The following TPRG1 variants were observed in gnomAD, a reference collection of about 807,000 sequenced individuals.
The protein encoded by TPRG1 is tumor protein p63-regulated gene 1 protein.
In TPRG1, 29 loss-of-function variants were observed where a neutral mutation model predicts 29.3. The observed-to-expected ratio is 0.99, with a 90% CI of 0.74 to 1.35. The LOEUF (loss-of-function observed/expected upper bound fraction) is 1.35. Ranked by LOEUF, TPRG1 falls within the 40% of genes most tolerant of loss-of-function variation. The pLI is 0.00. For missense variants in TPRG1, 327 were observed against 335.0 expected (o/e 0.98, Z 0.19); for synonymous variants, 130 against 116.8 (o/e 1.11, Z -0.73).
chr3:189,215,219 A>T, intron 2 of TPRG1, 73 bp from the exon 3 acceptor site: 1 of 1,251,902 alleles, frequency 8.0e-7, no homozygotes, highest in Non-Finnish European at 1.1e-6. Flanking sequence ...AGCTGCTGGA[A>T]TATACTAACT....
At chr3:189,077,929 A>G (rs570332891) in intron 4 of TPRG1, among the ~76,000 whole-genome samples, 27 of 152,272 alleles carry the variant, frequency 1.8e-4, no homozygotes, top group Admixed American at 6.5e-4. Context: ...TTCCAAACAA[A>G]GATGATCATG....
intron 3 of TPRG1, among the ~76,000 whole-genome samples, chr3:189,023,093 T>C (rs184558916): frequency 2.2e-4 from 33 of 152,350 alleles, no homozygotes; most frequent in East Asian, 5.8e-4. Flanking sequence ...GGCTCGCGCA[T>C]GGTGCGCGCA....
At position 189,207,486 on chromosome 3, in the gene TPRG1, G is replaced by A; in HGVS notation, c.102G>A (p.Glu34=). 1.2e-6 allele frequency: 2 copies of A among 1,614,018 alleles called. No individual in the cohort carries two copies. Among genetic ancestry groups the A allele is most frequent in the African/African-American group, 1.3e-5 (1 of 75,004 alleles). The change falls in exon 2 of 6, where the codon GAG becomes GAA. Residue 34 remains glutamate (E), a synonymous_variant. Transcript: ENST00000345063. ...CTGACCACCTATCGATGGAGGAAGA[G>A]GACCCGATGCCAAGACAGATTTCAA... ...SETDHLSMEE[E]DPMPRQISRQ...
chr3:189,233,083 G>A (rs879520951), intron 3 of TPRG1, among the ~76,000 whole-genome samples: 4 of 151,894 alleles, frequency 2.6e-5, no homozygotes, highest in Non-Finnish European at 5.9e-5. Context: ...GGGCTAAGAG[G>A]TTTGAAGGGT....
At chr3:189,212,555 G>A (rs925179141) in intron 2 of TPRG1, among the ~76,000 whole-genome samples, 1 of 131,802 alleles carries the variant, frequency 7.6e-6, no homozygotes, top group Admixed American at 8.0e-5. Context: ...TGTGAAGATT[G>A]TAAAAAAGAT....
chr3:189,282,629 A>T (rs1717361071), intron 4 of TPRG1, among the ~76,000 whole-genome samples: 1 of 151,882 alleles, frequency 6.6e-6, no homozygotes, highest in African/African-American at 2.4e-5. Flanking sequence ...TAATAAAATG[A>T]TATTTTCTGT....
Position 189,251,305 on chromosome 3 carries a change from A to G in TPRG1, c.479+12396A>G, listed in dbSNP as rs1374064235. Among the ~76,000 whole-genome samples the G allele has an allele frequency of 2.0e-5, 3 of 152,170 alleles. No homozygotes were observed. The East Asian group carries it at 5.8e-4, about 29-fold the overall frequency. Reference sequence around the variant, plus strand: ...TTGCCTTTGGCTTAATATGAAGGAAAGGGGTGACGGCAAGAGACAAGTAAA... The same window carrying G: ...TTGCCTTTGGCTTAATATGAAGGAAGGGGGTGACGGCAAGAGACAAGTAAA... On this transcript the variant is annotated intron_variant, in intron 4 of 5. Coordinates refer to ENST00000345063, the MANE Select transcript of TPRG1 (RefSeq NM_198485.4).
At chr3:189,028,246 T>C (rs1161497722) in intron 4 of TPRG1, among the ~76,000 whole-genome samples, 1 of 152,206 alleles carries the variant, frequency 6.6e-6, no homozygotes, top group Admixed American at 6.5e-5. Flanking sequence ...TCAAGTTCCC[T>C]GACCGCATTC....
At chr3:189,153,102 A>G (rs1726185398) in intron 5 of TPRG1, among the ~76,000 whole-genome samples, 1 of 152,244 alleles carries the variant, frequency 6.6e-6, no homozygotes, top group Non-Finnish European at 1.5e-5. Flanking sequence ...CTGACAGTGT[A>G]CAACGTAAGT....
chr3:189,098,419 C>G (rs1718831019), upstream of TPRG1, among the ~76,000 whole-genome samples: 1 of 152,118 alleles, frequency 6.6e-6, no homozygotes, highest in African/African-American at 2.4e-5. Context: ...TCTATCCTTG[C>G]AAGACTCTAT....
chr3:189,160,095 C>T (rs534029315), intron 5 of TPRG1, among the ~76,000 whole-genome samples: 1 of 152,206 alleles, frequency 6.6e-6, no homozygotes, highest in African/African-American at 2.4e-5. Context: ...GTAGGCAGAG[C>T]TGTTAGCCTG....
At chr3:189,280,348 A>G (rs1716913369) in intron 4 of TPRG1, among the ~76,000 whole-genome samples, 1 of 152,238 alleles carries the variant, frequency 6.6e-6, no homozygotes, top group South Asian at 2.1e-4. Context: ...TAGATGACGA[A>G]CTAGGACTTA....
intron 1 of TPRG1, among the ~76,000 whole-genome samples, chr3:189,180,729 G>A (rs972017153): frequency 1.3e-5 from 2 of 152,176 alleles, no homozygotes; most frequent in African/African-American, 4.8e-5. Flanking sequence ...GGTGCACAGT[G>A]CAAACCGTCA....
At chr3:189,246,432 G>A (rs1488662784) in intron 4 of TPRG1, among the ~76,000 whole-genome samples, 1 of 152,048 alleles carries the variant, frequency 6.6e-6, no homozygotes, top group Non-Finnish European at 1.5e-5. Flanking sequence ...TTTAAAGTGT[G>A]TTTGTTGTAG....
chr3:189,185,681 C>T (rs139220059), intron 1 of TPRG1, among the ~76,000 whole-genome samples: 6 of 152,042 alleles, frequency 3.9e-5, no homozygotes, highest in African/African-American at 1.2e-4. Context: ...AGATAATATT[C>T]GCAACATTTT....
intron 4 of TPRG1, among the ~76,000 whole-genome samples, chr3:189,082,151 A>T (rs2152170174): frequency 6.6e-6 from 1 of 152,342 alleles, no homozygotes; most frequent in Non-Finnish European, 1.5e-5. Context: ...TGAAAACATA[A>T]GAGGGTGTGT....
intron 4 of TPRG1, among the ~76,000 whole-genome samples, chr3:189,074,372 A>G (rs1473291419): frequency 2.0e-5 from 3 of 151,286 alleles, no homozygotes; most frequent in Non-Finnish European, 4.4e-5. Flanking sequence ...CGCCCGGCTA[A>G]TTTTTTGTAT....
At chr3:189,265,909 G>A (rs1221250988) in intron 4 of TPRG1, among the ~76,000 whole-genome samples, 1 of 152,174 alleles carries the variant, frequency 6.6e-6, no homozygotes, top group East Asian at 1.9e-4. Flanking sequence ...GAGATGCGCA[G>A]TTCATCATTA....
intron 1 of TPRG1, among the ~76,000 whole-genome samples, chr3:189,187,596 C>T (rs1284884157): frequency 2.6e-5 from 4 of 152,068 alleles, no homozygotes; most frequent in African/African-American, 4.8e-5. Context: ...GGATTACAGG[C>T]GTAAGCCACC....
Sources: allele counts gnomAD v4.1 joint callset (sites outside exome capture counted in the v4.1 genomes callset), GRCh38; gene constraint gnomAD v4.1.1; transcripts MANE v1.5; gene names NCBI Gene and HGNC (gene_info 2026-07-23, HGNC 2026-07-21).